FBXO34: variants seen among roughly 807,000 people sequenced by gnomAD.
The protein encoded by FBXO34 is F-box protein 34, also known as F-box only protein 34.
A neutral mutation model predicts 24.5 loss-of-function variants in FBXO34; 12 were observed. The ratio of observed to expected loss-of-function variants is 0.49; its 90% CI spans 0.31 to 0.79. The LOEUF (loss-of-function observed/expected upper bound fraction) is 0.79. Among genes scored for constraint, FBXO34 ranks in the 30% least tolerant of loss-of-function variants. The pLI is 0.04. For synonymous variants in FBXO34, 320 were observed against 311.9 expected, an observed-to-expected ratio of 1.03 and a Z score of -0.27; for missense variants, 823 against 857.7, an observed-to-expected ratio of 0.96 and a Z score of 0.51.
downstream of FBXO34, among the ~76,000 whole-genome samples, chr14:55,364,727 C>CTTTT (rs534426436): frequency 1.5e-5 from 2 of 130,046 alleles, no homozygotes; most frequent in Non-Finnish European, 3.2e-5. Flanking sequence ...CAGTGCCCAA[C>CTTTT]TTTTTTTTTT....
chr14:55,392,061 G>T, the FBXO34 span, among the ~76,000 whole-genome samples: 2 of 152,276 alleles, frequency 1.3e-5, no homozygotes, highest in Non-Finnish European at 2.9e-5. Flanking sequence ...CACGGACAGG[G>T]TGGCAGATGA....
chr14:55,341,475 G>A (rs1883989026), intron 1 of FBXO34, among the ~76,000 whole-genome samples: 1 of 152,190 alleles, frequency 6.6e-6, no homozygotes, highest in African/African-American at 2.4e-5. Context: ...CCCACTCAAG[G>A]AAGTAGTGGT....
chr14:55,332,736 CTT>C (rs1883641175), intron 1 of FBXO34, among the ~76,000 whole-genome samples: 1 of 152,188 alleles, frequency 6.6e-6, no homozygotes, highest in African/African-American at 2.4e-5. Flanking sequence ...AAAATGTTGA[CTT>C]TTGATGTAAT....
the FBXO34 span, chr14:55,428,960 C>A: frequency 1.9e-6 from 3 of 1,614,036 alleles, no homozygotes; most frequent in Non-Finnish European, 2.5e-6. Context: ...TGCTGCAAGT[C>A]GAGACTGCTC....
chr14:55,295,233 C>A (rs1882077960), intron 1 of FBXO34, among the ~76,000 whole-genome samples: 1 of 152,144 alleles, frequency 6.6e-6, no homozygotes, highest in African/African-American at 2.4e-5. Flanking sequence ...TGGAACATCC[C>A]TTTCCTACTG....
the FBXO34 span, among the ~76,000 whole-genome samples, chr14:55,380,012 C>T: frequency 1.3e-5 from 2 of 152,096 alleles, no homozygotes; most frequent in Admixed American, 6.6e-5. Flanking sequence ...TTTGGGAGAC[C>T]GAGGCAGGTG....
At chr14:55,383,558 C>A in the FBXO34 span, among the ~76,000 whole-genome samples, 1 of 150,864 alleles carries the variant, frequency 6.6e-6, no homozygotes, top group South Asian at 2.1e-4. Flanking sequence ...CTCAAAAAAA[C>A]ACAAAAAAAC....
chr14:55,347,501 A>C (rs922347203), intron 1 of FBXO34, among the ~76,000 whole-genome samples: 1 of 152,212 alleles, frequency 6.6e-6, no homozygotes, highest in Non-Finnish European at 1.5e-5. Context: ...AACCTCAGGC[A>C]ACCTTCAACC....
chr14:55,384,823 A>G, the FBXO34 span, among the ~76,000 whole-genome samples: 1 of 152,244 alleles, frequency 6.6e-6, no homozygotes, highest in African/African-American at 2.4e-5. Flanking sequence ...GTGGGAATAA[A>G]CGGAAGCCTT....
chr14:55,332,343 T>TA (rs1883624427), intron 1 of FBXO34, among the ~76,000 whole-genome samples: 1 of 152,022 alleles, frequency 6.6e-6, no homozygotes, highest in South Asian at 2.1e-4. Flanking sequence ...TAGCAATAAT[T>TA]ATGGCAAATG....
intron 1 of FBXO34, among the ~76,000 whole-genome samples, chr14:55,297,447 T>A (rs958644327): frequency 7.9e-5 from 12 of 152,184 alleles, no homozygotes; most frequent in Non-Finnish European, 1.6e-4. Context: ...GACAATAATA[T>A]TACCCACTTA....
chr14:55,303,427 A>G (rs538296791), intron 1 of FBXO34, among the ~76,000 whole-genome samples: 4 of 152,210 alleles, frequency 2.6e-5, no homozygotes, highest in African/African-American at 9.6e-5. Context: ...GCTTTATAGG[A>G]CTTAAGATGC....
intron 1 of FBXO34, chr14:55,272,178 G>C (rs376027312): frequency 3.5e-4 from 53 of 152,458 alleles, no homozygotes; most frequent in African/African-American, 1.2e-3. Context: ...CCCGGGCGGG[G>C]ACCTGGGCTC....
intron 1 of FBXO34, among the ~76,000 whole-genome samples, chr14:55,286,769 A>G (rs1037454112): frequency 6.6e-6 from 1 of 151,946 alleles, no homozygotes; most frequent in East Asian, 1.9e-4. Context: ...AGTATCTCTT[A>G]TCTTACATGC....
At chr14:55,342,053 G>A (rs1411058849) in intron 1 of FBXO34, among the ~76,000 whole-genome samples, 2 of 152,112 alleles carry the variant, frequency 1.3e-5, no homozygotes, top group African/African-American at 4.8e-5. Context: ...TTTATTGCGA[G>A]CACAAAAGAA....
At chr14:55,400,746 T>C in the FBXO34 span, among the ~76,000 whole-genome samples, 69 of 151,994 alleles carry the variant, frequency 4.5e-4, no homozygotes, top group Middle Eastern at 3.4e-3. Flanking sequence ...CTACTAAAAA[T>C]ACAAAAAATT....
rs1223068574 is a variant in FBXO34, at chr14:55,350,962, A to G, written c.572A>G (p.Tyr191Cys). Residue 191 changes from tyrosine to cysteine, a missense_variant, in exon 2 of 2, where the codon TAT (tyrosine) becomes TGT (cysteine). Tyr to Cys is a radical substitution (Grantham distance 194). Coordinates refer to ENST00000313833, the MANE Select transcript of FBXO34 (RefSeq NM_017943.4). The part of the protein sequence containing the change: ...ACGIEHCSVH[Y>C]VSDSGDGVYA... Reference sequence around the variant, plus strand: ...GGCATTGAGCACTGTTCTGTGCACTATGTGAGTGACAGTGGGGATGGAGTC... The same window carrying G: ...GGCATTGAGCACTGTTCTGTGCACTGTGTGAGTGACAGTGGGGATGGAGTC... 1.2e-6 allele frequency: 2 copies of G among 1,614,208 alleles called. No individual in the cohort carries two copies. The highest frequency in any genetic ancestry group is 2.2e-5 in the East Asian group (1 of 44,884).
the FBXO34 span, among the ~76,000 whole-genome samples, chr14:55,387,282 A>G: frequency 1.3e-5 from 2 of 152,298 alleles, no homozygotes; most frequent in East Asian, 1.9e-4. Flanking sequence ...GCTGTACTCA[A>G]TTGCAACATA....
the FBXO34 span, among the ~76,000 whole-genome samples, chr14:55,383,221 G>A: frequency 1.3e-5 from 2 of 151,924 alleles, no homozygotes; most frequent in Non-Finnish European, 2.9e-5. Context: ...TGAACTAACC[G>A]AGGACTGAAA....
Sources: gnomAD v4.1 joint callset for allele counts (sites outside exome capture counted in the v4.1 genomes callset) on GRCh38, gnomAD v4.1.1 for gene constraint, MANE v1.5 for transcripts, NCBI Gene and HGNC (gene_info 2026-07-23, HGNC 2026-07-21) for gene names.